MLLT3: variants seen among roughly 807,000 people sequenced by gnomAD.
MLLT3 encodes protein AF-9.
MLLT3 carries 4 observed loss-of-function variants against 53.2 expected under a neutral mutation model. The ratio of observed to expected loss-of-function variants is 0.08; its 90% CI spans 0.04 to 0.17. The LOEUF (loss-of-function observed/expected upper bound fraction) is 0.17, where lower values mean the gene tolerates loss of function less well. Ranked by LOEUF, MLLT3 falls within the 10% of genes least tolerant of loss-of-function variation. The pLI, the probability that MLLT3 is intolerant of heterozygous loss-of-function variation, is 1.00. For synonymous variants in MLLT3, 283 were observed against 230.6 expected (o/e 1.23, Z -2.06); for missense variants, 569 against 684.0 (o/e 0.83, Z 1.87).
At chr9:20,579,017 T>C (rs1819723737) in intron 2 of MLLT3, among the ~76,000 whole-genome samples, 1 of 152,144 alleles carries the variant, frequency 6.6e-6, no homozygotes, top group South Asian at 2.1e-4. Flanking sequence ...CAGCGTTGCT[T>C]ACCTTAAGGA....
intron 2 of MLLT3, among the ~76,000 whole-genome samples, chr9:20,465,758 C>A (rs1243350095): frequency 1.3e-5 from 2 of 152,022 alleles, no homozygotes; most frequent in African/African-American, 4.8e-5. Flanking sequence ...ACTTCTTTTT[C>A]CCCCCTGCAT....
At chr9:20,504,372 G>A (rs1825330794) in intron 2 of MLLT3, among the ~76,000 whole-genome samples, 2 of 151,496 alleles carry the variant, frequency 1.3e-5, no homozygotes, top group Non-Finnish European at 2.9e-5. Context: ...GTGTGTGTGT[G>A]TACAAATATA....
At chr9:20,450,027 G>A (rs141807199) in intron 3 of MLLT3, among the ~76,000 whole-genome samples, 7 of 152,164 alleles carry the variant, frequency 4.6e-5, no homozygotes, top group East Asian at 1.9e-4. Context: ...GTTGACTTAC[G>A]GCAGCATCCA....
chr9:20,621,445 C>A lies in MLLT3; in HGVS notation c.13-611G>T, dbSNP rs1821005637. On this transcript the variant is annotated intron_variant, in intron 1 of 10. Transcript: ENST00000380338. The surrounding 1 kb of genome is among the most constrained non-coding windows in gnomAD (Gnocchi z 7.0). ...CAAAAATGAGACGTCGTCATACACACTGAAACACACACACACGCCCGCAGG... is the reference window on the plus strand; with the variant it reads ...CAAAAATGAGACGTCGTCATACACAATGAAACACACACACACGCCCGCAGG... Among the ~76,000 whole-genome samples the A allele has an allele frequency of 6.6e-6, 1 of 152,166 alleles. No homozygotes were observed.
intron 2 of MLLT3, among the ~76,000 whole-genome samples, chr9:20,579,885 G>A (rs1343786542): frequency 2.6e-5 from 4 of 152,138 alleles, no homozygotes; most frequent in Non-Finnish European, 4.4e-5. Flanking sequence ...TTTCTCTAGG[G>A]GGAGAGAAGA....
At chr9:20,392,042 G>T (rs556407529) in intron 5 of MLLT3, among the ~76,000 whole-genome samples, 1 of 152,246 alleles carries the variant, frequency 6.6e-6, no homozygotes, top group Admixed American at 6.5e-5. Flanking sequence ...ACAAGAATCA[G>T]CTCACCTTGT....
intron 2 of MLLT3, among the ~76,000 whole-genome samples, chr9:20,557,606 G>A (rs1383028487): frequency 1.3e-5 from 2 of 152,038 alleles, no homozygotes; most frequent in Admixed American, 1.3e-4. Flanking sequence ...CTATTTCAGG[G>A]CACTGCTTAC....
intron 2 of MLLT3, among the ~76,000 whole-genome samples, chr9:20,612,686 A>T (rs532744448): frequency 3.3e-5 from 5 of 151,856 alleles, no homozygotes; most frequent in African/African-American, 9.7e-5. Context: ...CAAAATAGTC[A>T]ATATATATAT....
chr9:20,419,139 GTATGAC>G (rs1232583951), intron 4 of MLLT3, among the ~76,000 whole-genome samples: 6 of 152,086 alleles, frequency 3.9e-5, no homozygotes, highest in African/African-American at 9.7e-5. Context: ...GTCAAAAGCA[GTATGAC>G]TACTTAAGGA....
At chr9:20,431,773 G>T (rs1391528986) in intron 4 of MLLT3, among the ~76,000 whole-genome samples, 1 of 152,062 alleles carries the variant, frequency 6.6e-6, no homozygotes, top group Non-Finnish European at 1.5e-5. Context: ...CACAACTCAT[G>T]ATATAATCAC....
chr9:20,590,430 G>C (rs1462707355), intron 2 of MLLT3, among the ~76,000 whole-genome samples: 1 of 152,160 alleles, frequency 6.6e-6, no homozygotes, highest in South Asian at 2.1e-4. Context: ...TTAGACCATG[G>C]GGGCAGTTTC....
chr9:20,358,106 G>C (rs1224404023), intron 8 of MLLT3, among the ~76,000 whole-genome samples: 1 of 151,902 alleles, frequency 6.6e-6, no homozygotes, highest in Admixed American at 6.5e-5. Flanking sequence ...CATCAACATA[G>C]AGAATTAAGA....
intron 2 of MLLT3, among the ~76,000 whole-genome samples, chr9:20,590,339 T>C (rs2131185448): frequency 6.6e-6 from 1 of 152,304 alleles, no homozygotes; most frequent in Middle Eastern, 3.4e-3. Flanking sequence ...CTGATATGGG[T>C]TGCATGTGTC....
intron 2 of MLLT3, among the ~76,000 whole-genome samples, chr9:20,498,698 A>G (rs1825144979): frequency 6.6e-6 from 1 of 152,114 alleles, no homozygotes; most frequent in African/African-American, 2.4e-5. Context: ...GCCCAAGACA[A>G]TTCTTCTTCC....
intron 2 of MLLT3, among the ~76,000 whole-genome samples, chr9:20,585,686 T>C (rs1819938105): frequency 6.6e-6 from 1 of 152,220 alleles, no homozygotes. Context: ...TCATCACTTA[T>C]TTGCCATCTG....
chr9:20,580,720 G>A (rs955971876), intron 2 of MLLT3, among the ~76,000 whole-genome samples: 1 of 152,120 alleles, frequency 6.6e-6, no homozygotes, highest in Non-Finnish European at 1.5e-5. Context: ...CACAAACATG[G>A]CTAGAGGTAA....
chr9:20,462,977 A>C (rs1160729215), intron 2 of MLLT3, among the ~76,000 whole-genome samples: 1 of 152,202 alleles, frequency 6.6e-6, no homozygotes, highest in South Asian at 2.1e-4. Context: ...AGAAACACTG[A>C]AAACAATGAA....
chr9:20,596,781 T>C (rs1453033236), intron 2 of MLLT3, among the ~76,000 whole-genome samples: 3 of 152,226 alleles, frequency 2.0e-5, no homozygotes. Flanking sequence ...TATGGGTCCC[T>C]TGCAATTACA....
intron 2 of MLLT3, among the ~76,000 whole-genome samples, chr9:20,504,534 AT>A: frequency 6.6e-6 from 1 of 152,322 alleles, no homozygotes; most frequent in South Asian, 2.1e-4. Flanking sequence ...TGTATGTGTA[AT>A]CTAAAAAAGC....
Sources: gnomAD v4.1 joint callset for allele counts (sites outside exome capture counted in the v4.1 genomes callset) on GRCh38, gnomAD v4.1.1 for gene constraint, Gnocchi (gnomAD v3.1) non-coding constraint, MANE v1.5 for transcripts, NCBI Gene and HGNC (gene_info 2026-07-23, HGNC 2026-07-21) for gene names.